CHODL: variants seen among roughly 807,000 people sequenced by gnomAD.
CHODL encodes transmembrane protein MT75.
CHODL carries 29 observed loss-of-function variants against 34.5 expected under a neutral mutation model. The ratio of observed to expected loss-of-function variants is 0.84; its 90% CI spans 0.63 to 1.15. CHODL has a LOEUF of 1.15. Among genes scored for constraint, CHODL ranks in the 50% most tolerant of loss-of-function variants. The pLI, the probability that CHODL is intolerant of heterozygous loss-of-function variation, is 0.00. For synonymous variants in CHODL, 125 were observed against 116.1 expected (o/e 1.08, Z -0.49); for missense variants, 332 against 332.5 (o/e 1.00, Z 0.01).
chr21:18,247,014 ATAAT>A (rs901706569), intron 1 of CHODL, among the ~76,000 whole-genome samples: 1 of 152,224 alleles, frequency 6.6e-6, no homozygotes, highest in African/African-American at 2.4e-5. Flanking sequence ...TTCCTTATGA[ATAAT>A]TCAATTGTCT....
intron 1 of CHODL, among the ~76,000 whole-genome samples, chr21:17,953,413 GC>G (rs2063473885): frequency 6.6e-6 from 1 of 152,036 alleles, no homozygotes. Context: ...ACTACAGTGA[GC>G]CACGATTGTG....
chr21:18,030,254 G>C (rs1209220006), intron 2 of CHODL, among the ~76,000 whole-genome samples: 1 of 152,166 alleles, frequency 6.6e-6, no homozygotes, highest in African/African-American at 2.4e-5. Flanking sequence ...TGACAATTTG[G>C]AAACGACCTT....
At chr21:18,209,025 A>G (rs1435670382) in intron 2 of CHODL, among the ~76,000 whole-genome samples, 2 of 152,052 alleles carry the variant, frequency 1.3e-5, no homozygotes, top group African/African-American at 4.8e-5. Flanking sequence ...TTGCCTGTCT[A>G]CTGCCTATGT....
exon 1 of CHODL, chr21:17,917,348 A>G (rs1184550094): frequency 2.0e-5 from 3 of 152,460 alleles, no homozygotes; most frequent in Non-Finnish European, 4.4e-5. Context: ...CAGCTTGAAG[A>G]TGGCAGATCG....
chr21:18,023,767 G>A (rs969756629), intron 1 of CHODL, among the ~76,000 whole-genome samples: 1 of 152,124 alleles, frequency 6.6e-6, no homozygotes, highest in African/African-American at 2.4e-5. Context: ...TCTACAAAAT[G>A]TAAATATTTT....
intron 2 of CHODL, among the ~76,000 whole-genome samples, chr21:18,185,380 C>T (rs1273535602): frequency 6.6e-6 from 1 of 152,108 alleles, no homozygotes; most frequent in Admixed American, 6.5e-5. Flanking sequence ...GCATAGTATC[C>T]CATGGTGTAT....
At chr21:18,091,185 C>T (rs1460898612) in intron 2 of CHODL, among the ~76,000 whole-genome samples, 1 of 152,224 alleles carries the variant, frequency 6.6e-6, no homozygotes, top group Non-Finnish European at 1.5e-5. Context: ...AATTGCCCAT[C>T]CCAGCAATTG....
At chr21:17,959,530 C>G (rs889482160) in intron 1 of CHODL, among the ~76,000 whole-genome samples, 2 of 152,150 alleles carry the variant, frequency 1.3e-5, no homozygotes, top group Non-Finnish European at 2.9e-5. Context: ...AGAAAATTCT[C>G]ATTTTCCAAA....
rs146971127 is a variant in CHODL at position 18,234,765 on chromosome 21, A to G, written c.-44-21744A>G. ...GCGAAGAAACTTTATTAAATAAAAT[A>G]GACATCTTTGGCGTTGAGTCGGAAA... On this transcript the variant is annotated intron_variant, in intron 2 of 6. Coordinates refer to the CHODL transcript ENST00000400127. Among the ~76,000 whole-genome samples the G allele has an allele frequency of 4.1e-3, 625 of 152,244 alleles. 4 individuals carry two copies. The highest frequency in any genetic ancestry group is 0.014 in the African/African-American group (580 of 41,556).
chr21:18,183,735 C>T (rs1325080383), intron 2 of CHODL, among the ~76,000 whole-genome samples: 4 of 152,096 alleles, frequency 2.6e-5, no homozygotes, highest in African/African-American at 7.2e-5. Flanking sequence ...TTAACGAGAT[C>T]GAGTGTTTTT....
chr21:18,121,680 G>C (rs1313217533), intron 2 of CHODL, among the ~76,000 whole-genome samples: 3 of 152,094 alleles, frequency 2.0e-5, no homozygotes, highest in Non-Finnish European at 1.5e-5. Flanking sequence ...TGAGTGAGGG[G>C]TGTTCGTTCT....
At chr21:18,187,030 C>T (rs1166519656) in intron 2 of CHODL, among the ~76,000 whole-genome samples, 2 of 152,076 alleles carry the variant, frequency 1.3e-5, no homozygotes, top group East Asian at 3.9e-4. Flanking sequence ...ATATAACTAA[C>T]AGTAAAAGTT....
chr21:18,112,040 A>T (rs1249918268), intron 2 of CHODL, among the ~76,000 whole-genome samples: 1 of 152,262 alleles, frequency 6.6e-6, no homozygotes, highest in African/African-American at 2.4e-5. Context: ...GCAAGCAAGT[A>T]CTGTAATAGA....
rs147276244 is a variant in CHODL at position 18,260,250 on chromosome 21, G to A, written c.598G>A (p.Gly200Arg). The change falls in exon 4 of 6, where the codon GGA (glycine) becomes AGA (arginine). Residue 200 changes from glycine to arginine, a missense_variant. Physicochemically the swap from Gly to Arg is moderately radical, Grantham distance 125. Coordinates refer to ENST00000299295, the MANE Select transcript of CHODL (RefSeq NM_024944.3). ...AAAGCCTTATCTTACAAATCAACCA[G>A]GAGACACCCATCAGAATGTGGTTGT... ...VEKPYLTNQP[G>R]DTHQNVVVTE... 9.5e-6 allele frequency: 15 copies of A among 1,584,872 alleles called. No individual in the cohort carries two copies. Among genetic ancestry groups the A allele is most frequent in the Non-Finnish European group, 1.2e-5 (14 of 1,168,488 alleles).
At chr21:18,159,059 T>A (rs1334616440) in intron 2 of CHODL, among the ~76,000 whole-genome samples, 9 of 152,088 alleles carry the variant, frequency 5.9e-5, no homozygotes, top group African/African-American at 2.2e-4. Context: ...TACATTTTAG[T>A]TTGGAGCAGT....
Position 18,059,197 on chromosome 21 carries a change from G to C in CHODL, c.-45+31226G>C, listed in dbSNP as rs767957580. 5.3e-5 allele frequency among the ~76,000 whole-genome samples: 8 copies of C among 152,288 alleles called. No homozygotes were observed. The East Asian group carries it at 9.7e-4, about 18-fold the overall frequency. The stretch of plus-strand genomic sequence containing the variant: ...CCCTCTCTCTCTCTGTACACACACA[G>C]AGAAAGGTCATGTGAGGACACATGA... On this transcript the variant is annotated intron_variant, in intron 2 of 6. Coordinates refer to the CHODL transcript ENST00000400127.
chr21:18,170,058 C>G (rs1266828533), intron 2 of CHODL, among the ~76,000 whole-genome samples: 1 of 151,888 alleles, frequency 6.6e-6, no homozygotes, highest in Non-Finnish European at 1.5e-5. Flanking sequence ...CTTTAATTGT[C>G]TATGTCTCTC....
intron 1 of CHODL, among the ~76,000 whole-genome samples, chr21:18,022,804 A>G (rs557108780): frequency 7.9e-5 from 12 of 152,346 alleles, no homozygotes; most frequent in African/African-American, 2.9e-4. Flanking sequence ...GATGTTGTGT[A>G]TTGTTCTAAA....
At chr21:18,188,833 G>A (rs748891019) in intron 2 of CHODL, among the ~76,000 whole-genome samples, 40 of 152,322 alleles carry the variant, frequency 2.6e-4, no homozygotes, top group African/African-American at 5.8e-4. Flanking sequence ...TAGGCATGCC[G>A]TAGTAAACGA....
Sources: allele counts gnomAD v4.1 joint callset (sites outside exome capture counted in the v4.1 genomes callset), GRCh38; gene constraint gnomAD v4.1.1; transcripts MANE v1.5; gene names NCBI Gene and HGNC (gene_info 2026-07-23, HGNC 2026-07-21).